The following NCKAP1L variants were observed in gnomAD, a reference collection of about 807,000 sequenced individuals.
NCKAP1L encodes the protein NCK associated protein 1 like.
In NCKAP1L, 53 loss-of-function variants were observed where a neutral mutation model predicts 139.2. The observed-to-expected ratio is 0.38, with a 90% CI of 0.31 to 0.48. The LOEUF (loss-of-function observed/expected upper bound fraction) is 0.48, where lower values mean the gene tolerates loss of function less well. Among genes scored for constraint, NCKAP1L ranks in the 20% least tolerant of loss-of-function variants. NCKAP1L has a pLI of 0.98. For missense variants in NCKAP1L, 1,151 were observed against 1,381.9 expected (o/e 0.83, Z 2.65); for synonymous variants, 468 against 499.7 (o/e 0.94, Z 0.85).
At chr12:54,538,018 A>G (rs1420245932) in intron 29 of NCKAP1L, among the ~76,000 whole-genome samples, 7 of 152,208 alleles carry the variant, frequency 4.6e-5, no homozygotes, top group Non-Finnish European at 7.3e-5. Flanking sequence ...TACTTCTGAT[A>G]CATGGTCCAT....
chr12:54,533,647 A>G (rs1350555910), intron 26 of NCKAP1L, among the ~76,000 whole-genome samples: 1 of 151,874 alleles, frequency 6.6e-6, no homozygotes, highest in Non-Finnish European at 1.5e-5. Context: ...GCTCACTGCA[A>G]CCTCTACCTC....
chr12:54,542,438 A>G, intron 30 of NCKAP1L, 137 bp from the exon 31 acceptor site: 1 of 679,522 alleles, frequency 1.5e-6, no homozygotes, highest in South Asian at 1.8e-5. Flanking sequence ...GTGAGGGAAG[A>G]GGGGGGTGTG....
At chr12:54,500,416 G>T in intron 2 of NCKAP1L, 117 bp from the exon 3 acceptor site, 2 of 698,732 alleles carry the variant, frequency 2.9e-6, no homozygotes, top group Non-Finnish European at 5.1e-6. Context: ...GAGCCACTGC[G>T]CCCGGCCTCA....
rs142124041 is a variant in NCKAP1L at position 54,526,860 on chromosome 12, T to C, written c.2375+114T>C. 620 of 799,514 alleles carry C rather than the reference T, an allele frequency of 7.8e-4. No individual in the cohort carries two copies. The African/African-American group carries it at 9.7e-3, about 12-fold the overall frequency. The allele number at this position is 799,514 out of a possible 1,614,324, so 49.5% of individuals were successfully genotyped here. A position where few individuals can be genotyped will look rare whatever the true frequency, so the allele number is the denominator to read the frequency against. ...GCTCCCAGGGTCATAGACTCCAAAA[T>C]GGAGGGTTGCTTCTCCTTGAGGAAT... is the stretch of plus-strand genomic sequence containing the variant. On this transcript the variant is annotated intron_variant, in intron 21 of 30. Transcript: ENST00000293373.
intron 21 of NCKAP1L, 44 bp from the exon 22 acceptor site, chr12:54,528,203 A>T (rs375788847): frequency 6.2e-7 from 1 of 1,600,698 alleles, no homozygotes; most frequent in Non-Finnish European, 8.5e-7. Context: ...TGGTAGGGAG[A>T]AGGGATTGGA....
In NCKAP1L at chr12:54,531,839, G is replaced by A. The variant is rs759276968; in HGVS notation, c.2781+14G>A. 1.2e-6 allele frequency: 2 copies of A among 1,601,150 alleles called. No individual in the cohort carries two copies. Among genetic ancestry groups the A allele is most frequent in the African/African-American group, 1.3e-5 (1 of 74,822 alleles). The stretch of plus-strand genomic sequence containing the variant: ...GGACTTCGGGAGGTGAGTTGGTGGG[G>A]AGGGGTCTGTCACAGAGTCACAGAT... On this transcript the variant is annotated intron_variant, in intron 25 of 30. Transcript: ENST00000293373.
At chr12:54,512,384 A>T (rs1565674905) in intron 9 of NCKAP1L, 1 of 267,142 alleles carries the variant, frequency 3.7e-6, no homozygotes, top group East Asian at 7.9e-5. Context: ...GGCCTTGGGC[A>T]AGTTGCTCAA....
At chr12:54,531,425 G>T (rs180958619) in intron 23 of NCKAP1L, 66 bp from the exon 24 acceptor site, 93 of 1,597,388 alleles carry the variant, frequency 5.8e-5, no homozygotes, top group Middle Eastern at 3.3e-4. Flanking sequence ...ATAGGAGACT[G>T]GGGGGGAAGA....
rs376475018 is a variant in NCKAP1L, at chr12:54,512,116, C to A, written c.941+11C>A. On this transcript the variant is annotated intron_variant, in intron 9 of 30. Transcript: ENST00000293373. ...TAGCAGTTTGAAAGGGTGAGAGACA[C>A]GAGAGCCAAACTGATCTTCCTTGAA... 1.2e-6 allele frequency: 2 copies of A among 1,613,020 alleles called. No individual in the cohort carries two copies. The highest frequency in any genetic ancestry group is 8.5e-7 in the Non-Finnish European group (1 of 1,179,592).
intron 16 of NCKAP1L, 97 bp downstream of exon 16, chr12:54,519,429 A>T (rs1296055889): frequency 2.2e-4 from 109 of 502,014 alleles, no homozygotes; most frequent in South Asian, 8.6e-4. Context: ...ATTTTGTTTA[A>T]TTTTTTTTTT....
Position 54,536,946 on chromosome 12 carries a change from T to C in NCKAP1L, c.3076T>C (p.Tyr1026His). Residue 1026 changes from tyrosine to histidine, a missense_variant and splice_region_variant, in exon 29 of 31, where the codon TAC becomes CAC. Physicochemically the swap from Tyr to His is moderately conservative, Grantham distance 83. Transcript: ENST00000293373. ...SSFYSIEKDG[Y>H]NNNIHCLTKA... ...CATCTATATCAATAATAACCTAGGT[T>C]ACAACAACAATATTCATTGCTTGAC... 6.2e-7 allele frequency: 1 copy of C among 1,607,108 alleles called. No individual in the cohort carries two copies. Among genetic ancestry groups the C allele is most frequent in the Non-Finnish European group, 8.5e-7 (1 of 1,174,206 alleles).
chr12:54,508,017 A>T (rs1237295268), intron 4 of NCKAP1L, 108 bp downstream of exon 4: 8 of 975,928 alleles, frequency 8.2e-6, no homozygotes, highest in South Asian at 1.4e-5. Flanking sequence ...GACTGGAAGG[A>T]TGGCTATTTT....
In NCKAP1L at chr12:54,537,963, T is replaced by C. The variant is rs1004072265; in HGVS notation, c.3183+910T>C. ...AACTCAGAACAAATACAATAGGCCC[T>C]AGAATTTTCCATTCTAAATCCTCCA... On this transcript the variant is annotated intron_variant, in intron 29 of 30. Coordinates refer to ENST00000293373, the MANE Select transcript of NCKAP1L (RefSeq NM_005337.5). Among the ~76,000 whole-genome samples, 14 of 152,220 alleles carry C rather than the reference T, an allele frequency of 9.2e-5. 1 individual carries two copies. The highest frequency in any genetic ancestry group is 8.5e-4 in the Admixed American group (13 of 15,280).
rs1480682467 is a variant in NCKAP1L at position 54,519,051 on chromosome 12, A to T, written c.1479+79A>T. The T allele has an allele frequency of 1.8e-5, 28 of 1,556,272 alleles. No individual in the cohort carries two copies. The East Asian group carries it at 6.1e-4, about 34-fold the overall frequency. On this transcript the variant is annotated intron_variant, in intron 15 of 30. Coordinates refer to ENST00000293373, the MANE Select transcript of NCKAP1L (RefSeq NM_005337.5). ...AATCCCTTCTCTTTTTATCTCCTAAATTTGCTTTATGGAGTGAGTCAACTT... is the reference window on the plus strand; with the variant it reads ...AATCCCTTCTCTTTTTATCTCCTAATTTTGCTTTATGGAGTGAGTCAACTT...
chr12:54,506,796 A>AAAAAAAAATATATATATATATATATAT, intron 3 of NCKAP1L, among the ~76,000 whole-genome samples: 1 of 50,608 alleles, frequency 2.0e-5, no homozygotes, highest in Non-Finnish European at 3.0e-5. Context: ...AAAAAAAAAA[A>AAAAAAAAATATATATATATATATATAT]ATATATATAT....
At chr12:54,538,525 G>C (rs1391777253) in intron 29 of NCKAP1L, among the ~76,000 whole-genome samples, 3 of 152,214 alleles carry the variant, frequency 2.0e-5, no homozygotes, top group African/African-American at 7.2e-5. Context: ...CAGATAGGGA[G>C]TCAGCCATAA....
At chr12:54,517,485 A>G (rs780227733) in intron 11 of NCKAP1L, 48 bp from the exon 12 acceptor site, 1 of 1,257,806 alleles carries the variant, frequency 8.0e-7, no homozygotes, top group Non-Finnish European at 1.2e-6. Context: ...GTGCTTTGAA[A>G]TCCATTTTTA....
intron 16 of NCKAP1L, among the ~76,000 whole-genome samples, chr12:54,520,296 T>C (rs1050689743): frequency 6.6e-6 from 1 of 152,182 alleles, no homozygotes; most frequent in African/African-American, 2.4e-5. Context: ...TTTGAGAAGA[T>C]TTTCTGGAGC....
intron 17 of NCKAP1L, 82 bp from the exon 18 acceptor site, chr12:54,521,037 G>T (rs1565678315): frequency 6.3e-7 from 1 of 1,588,720 alleles, no homozygotes; most frequent in East Asian, 2.2e-5. Context: ...TAAGATTCAG[G>T]CAAGGGATGA....
Sources: allele counts gnomAD v4.1 joint callset (sites outside exome capture counted in the v4.1 genomes callset), GRCh38; gene constraint gnomAD v4.1.1; transcripts MANE v1.5; gene names NCBI Gene and HGNC (gene_info 2026-07-23, HGNC 2026-07-21).